LETM1: variants seen among roughly 807,000 people sequenced by gnomAD.
The protein encoded by LETM1 is mitochondrial proton/calcium exchanger protein.
Under a neutral mutation model 74.5 loss-of-function variants are expected in LETM1, and 50 were observed. The observed-to-expected ratio is 0.67, with a 90% CI of 0.53 to 0.85. LETM1 has a LOEUF of 0.85. Ranked by LOEUF, LETM1 falls within the 40% of genes least tolerant of loss-of-function variation. LETM1 has a pLI of 0.00. For synonymous variants in LETM1, 446 were observed against 407.1 expected (o/e 1.10, Z -1.15); for missense variants, 824 against 967.8 (o/e 0.85, Z 1.97).
intron 10 of LETM1, among the ~76,000 whole-genome samples, 180 bp downstream of exon 10, chr4:1,822,001 T>C (rs1711796130): frequency 6.6e-6 from 1 of 152,172 alleles, no homozygotes; most frequent in Non-Finnish European, 1.5e-5. Context: ...ACTCACTCTT[T>C]TCCTAACCAC....
intron 2 of LETM1, among the ~76,000 whole-genome samples, chr4:1,844,406 T>C (rs1414642399): frequency 6.6e-6 from 1 of 152,212 alleles, no homozygotes; most frequent in African/African-American, 2.4e-5. Context: ...GGCTGGAAGC[T>C]GCTACATAAT....
chr4:1,845,990 T>C (rs1560506032), intron 2 of LETM1, among the ~76,000 whole-genome samples: 1 of 151,560 alleles, frequency 6.6e-6, no homozygotes, highest in Non-Finnish European at 1.5e-5. Context: ...CCCAAGTACC[T>C]GGGACTACAG....
At chr4:1,847,824 C>CAAAAAA (rs778839346) in intron 2 of LETM1, among the ~76,000 whole-genome samples, 1 of 41,922 alleles carries the variant, frequency 2.4e-5, no homozygotes, top group African/African-American at 9.6e-5. Flanking sequence ...AACTCGGTCT[C>CAAAAAA]AAAAAAAAAA....
intron 11 of LETM1, among the ~76,000 whole-genome samples, chr4:1,817,245 C>CAAAAAAA (rs60805612): frequency 1.5e-5 from 1 of 66,068 alleles, no homozygotes; most frequent in Non-Finnish European, 2.7e-5. Flanking sequence ...ACTCTGTCTC[C>CAAAAAAA]AAAAAAAAAA....
At chr4:1,845,502 G>T (rs1480978650) in intron 2 of LETM1, among the ~76,000 whole-genome samples, 1 of 151,410 alleles carries the variant, frequency 6.6e-6, no homozygotes, top group Non-Finnish European at 1.5e-5. Context: ...AAATTTTTTG[G>T]CTGCTGAAAC....
rs1722516889 is a variant in LETM1, at chr4:1,813,113, G to A, written c.*1311C>T. The A allele has an allele frequency of 6.6e-6, 1 of 152,402 alleles. No individual in the cohort carries two copies. The highest frequency in any genetic ancestry group is 1.5e-5 in the Non-Finnish European group (1 of 68,048). 9.4% of individuals were successfully genotyped at this position (152,402 alleles called of 1,614,324 possible). The stretch of plus-strand genomic sequence containing the variant: ...AACTGAAAGCTGAAAGCCTCTGGAA[G>A]CCAACTGTCCCTGCACAAAGGTTTA... On this transcript the variant is annotated 3_prime_UTR_variant, in exon 14 of 14. Coordinates refer to ENST00000302787, the MANE Select transcript of LETM1 (RefSeq NM_012318.3).
intron 6 of LETM1, among the ~76,000 whole-genome samples, chr4:1,828,705 C>T (rs1233310797): frequency 5.1e-4 from 66 of 130,366 alleles, no homozygotes; most frequent in African/African-American, 1.8e-3. Flanking sequence ...ACCTCCCTCC[C>T]GGATGGGGCG....
rs916330816 is a variant in LETM1 at position 1,856,079 on chromosome 4, C to T, written c.-129G>A. ...GACGGCTGACAGAGGCGGCTGGCCT[C>T]GGACGGGAGGCGCTCTCCTCAAGGA... On this transcript the variant is annotated 5_prime_UTR_variant, in exon 1 of 14. Coordinates refer to ENST00000302787, the MANE Select transcript of LETM1 (RefSeq NM_012318.3). 21 of 480,926 alleles carry T rather than the reference C, an allele frequency of 4.4e-5. No individual in the cohort carries two copies. Among genetic ancestry groups the T allele is most frequent in the African/African-American group, 3.9e-4 (19 of 48,956 alleles). The allele number at this position is 480,926 out of a possible 1,614,324, so 29.8% of individuals were successfully genotyped here.
At chr4:1,851,435 G>C (rs1040639321) in intron 1 of LETM1, among the ~76,000 whole-genome samples, 2 of 152,240 alleles carry the variant, frequency 1.3e-5, no homozygotes, top group South Asian at 2.1e-4. Flanking sequence ...GGACCGATAC[G>C]TCACTTCACC....
At chr4:1,846,236 T>C (rs1438040756) in intron 2 of LETM1, among the ~76,000 whole-genome samples, 1 of 151,958 alleles carries the variant, frequency 6.6e-6, no homozygotes, top group Admixed American at 6.6e-5. Flanking sequence ...TAAGTAGATG[T>C]TCAAAATTGG....
chr4:1,819,575 G>T, intron 10 of LETM1, 103 bp from the exon 11 acceptor site: 1 of 1,322,198 alleles, frequency 7.6e-7, no homozygotes, highest in Non-Finnish European at 1.0e-6. Flanking sequence ...GCAGCCCAGG[G>T]CAAGAGTCTC....
At chr4:1,835,844 A>G (rs1207870227) in intron 4 of LETM1, among the ~76,000 whole-genome samples, 1 of 152,176 alleles carries the variant, frequency 6.6e-6, no homozygotes, top group Non-Finnish European at 1.5e-5. Context: ...TTGGGAGGTC[A>G]TGGCAAGAGG....
intron 3 of LETM1, among the ~76,000 whole-genome samples, chr4:1,839,898 G>A (rs954361996): frequency 2.0e-5 from 3 of 152,044 alleles, no homozygotes; most frequent in Admixed American, 6.6e-5. Context: ...CTTGCCTTAC[G>A]GTCTCTTGAC....
chr4:1,823,236 G>T, intron 8 of LETM1, 105 bp from the exon 9 acceptor site: 1 of 1,383,422 alleles, frequency 7.2e-7, no homozygotes, highest in Non-Finnish European at 9.7e-7. Flanking sequence ...GTCACCACCT[G>T]GGCTTCACAC....
At chr4:1,825,911 C>A (rs1328400852) in intron 6 of LETM1, among the ~76,000 whole-genome samples, 1 of 152,140 alleles carries the variant, frequency 6.6e-6, no homozygotes, top group Non-Finnish European at 1.5e-5. Context: ...AAGAAGTCCA[C>A]CTCCAACCCT....
chr4:1,837,600 G>A (rs892311895), intron 3 of LETM1, among the ~76,000 whole-genome samples: 2 of 150,428 alleles, frequency 1.3e-5, no homozygotes, highest in African/African-American at 2.5e-5. Context: ...CTACTGAGGT[G>A]TAATTTACAT....
At chr4:1,822,890 G>T in intron 9 of LETM1, 98 bp downstream of exon 9, 1 of 1,138,018 alleles carries the variant, frequency 8.8e-7, no homozygotes, top group Non-Finnish European at 1.1e-6. Context: ...GAGCTGCAGG[G>T]CAAGCATGCG....
In LETM1 at chr4:1,856,100, A is replaced by G; in HGVS notation, c.-150T>C. ...GCCTCGGACGGGAGGCGCTCTCCTC[A>G]AGGACCCGGCACCAGCGGCGGCCTT... On this transcript the variant is annotated 5_prime_UTR_variant, in exon 1 of 14. Coordinates refer to ENST00000302787, the MANE Select transcript of LETM1 (RefSeq NM_012318.3). The G allele has an allele frequency of 2.6e-6, 1 of 385,534 alleles. No homozygotes were observed. The highest frequency in any genetic ancestry group is 4.3e-6 in the Non-Finnish European group (1 of 232,032). 23.9% of individuals were successfully genotyped at this position (385,534 alleles called of 1,614,324 possible). A position where few individuals can be genotyped will look rare whatever the true frequency, so the allele number is the denominator to read the frequency against.
chr4:1,825,456 G>C, intron 7 of LETM1, 108 bp downstream of exon 7: 1 of 1,386,352 alleles, frequency 7.2e-7, no homozygotes, highest in Non-Finnish European at 9.9e-7. Context: ...TCACAGTGTC[G>C]CCTCGCCAGG....
Sources: gnomAD v4.1 joint callset for allele counts (sites outside exome capture counted in the v4.1 genomes callset) on GRCh38, gnomAD v4.1.1 for gene constraint, MANE v1.5 for transcripts, NCBI Gene and HGNC (gene_info 2026-07-23, HGNC 2026-07-21) for gene names.